PDE1A: variants seen among roughly 807,000 people sequenced by gnomAD.
The protein encoded by PDE1A is phosphodiesterase 1A.
Under a neutral mutation model 61.7 loss-of-function variants are expected in PDE1A, and 35 were observed. That is an observed-to-expected ratio of 0.57 (90% CI 0.43 to 0.75). PDE1A has a LOEUF of 0.75. Among genes scored for constraint, PDE1A ranks in the 30% least tolerant of loss-of-function variants. The pLI is 0.00. For missense variants in PDE1A, 597 were observed against 630.6 expected, an observed-to-expected ratio of 0.95 and a Z score of 0.57; for synonymous variants, 232 against 213.2, an observed-to-expected ratio of 1.09 and a Z score of -0.77.
chr2:182,446,706 AT>A (rs1685159825), intron 2 of PDE1A, among the ~76,000 whole-genome samples: 1 of 152,054 alleles, frequency 6.6e-6, no homozygotes, highest in African/African-American at 2.4e-5. Context: ...AGTTCAAATG[AT>A]TAAATATTAA....
intron 1 of PDE1A, among the ~76,000 whole-genome samples, chr2:182,384,964 T>C (rs938966469): frequency 6.6e-6 from 1 of 152,100 alleles, no homozygotes; most frequent in African/African-American, 2.4e-5. Context: ...CCAGTACAGC[T>C]AGGAGCAGAC....
At chr2:182,558,163 T>A in the PDE1A span, among the ~76,000 whole-genome samples, 1 of 152,176 alleles carries the variant, frequency 6.6e-6, no homozygotes, top group South Asian at 2.1e-4. Flanking sequence ...AAGTTTGGCA[T>A]CCTTCTGTTA....
intron 2 of PDE1A, among the ~76,000 whole-genome samples, chr2:182,443,038 G>T (rs1684893768): frequency 6.6e-6 from 1 of 151,924 alleles, no homozygotes; most frequent in Non-Finnish European, 1.5e-5. Flanking sequence ...CCTTCACCCT[G>T]AAGGGGGTTC....
intron 1 of PDE1A, among the ~76,000 whole-genome samples, chr2:182,274,461 T>G (rs1693259264): frequency 6.6e-6 from 1 of 152,092 alleles, no homozygotes; most frequent in African/African-American, 2.4e-5. Context: ...CAGATACTAT[T>G]GGAGAGCATA....
At chr2:182,264,275 TAAAAG>T in intron 2 of PDE1A, 21 bp downstream of exon 2, 1 of 1,457,756 alleles carries the variant, frequency 6.9e-7, no homozygotes, top group Non-Finnish European at 9.6e-7. Flanking sequence ...TCAAAGAAGA[TAAAAG>T]AGAAGAAGGT....
At chr2:182,651,617 T>C in the PDE1A span, among the ~76,000 whole-genome samples, 1 of 152,246 alleles carries the variant, frequency 6.6e-6, no homozygotes, top group East Asian at 1.9e-4. Flanking sequence ...ATCTTTTGTG[T>C]GCACTTTTTA....
chr2:182,448,761 A>G (rs547768972), intron 2 of PDE1A, among the ~76,000 whole-genome samples: 10 of 152,168 alleles, frequency 6.6e-5, no homozygotes, highest in African/African-American at 2.4e-4. Flanking sequence ...TTTTATTTAA[A>G]AACTAACACT....
chr2:182,627,788 C>T, the PDE1A span, among the ~76,000 whole-genome samples: 1 of 151,542 alleles, frequency 6.6e-6, no homozygotes, highest in Non-Finnish European at 1.5e-5. Context: ...ACTAAAAATA[C>T]AAAAATTTAG....
chr2:182,647,803 C>T, the PDE1A span, among the ~76,000 whole-genome samples: 1,177 of 152,042 alleles, frequency 7.7e-3, 24 homozygotes, highest in African/African-American at 0.027. Context: ...AATTGGCTTT[C>T]GAAACCCAAA....
intron 2 of PDE1A, among the ~76,000 whole-genome samples, chr2:182,485,941 C>A (rs1687994702): frequency 6.6e-6 from 1 of 151,876 alleles, no homozygotes; most frequent in Non-Finnish European, 1.5e-5. Flanking sequence ...TATTATCAAA[C>A]TGGAAGGTCT....
intron 6 of PDE1A, 129 bp downstream of exon 6, chr2:182,229,877 C>T (rs1333710952): frequency 3.6e-6 from 2 of 549,784 alleles, no homozygotes; most frequent in Non-Finnish European, 5.8e-6. Context: ...AAAATCCAAA[C>T]AATTATTCTT....
intron 1 of PDE1A, among the ~76,000 whole-genome samples, chr2:182,294,633 A>G (rs1253759672): frequency 6.6e-6 from 1 of 152,206 alleles, no homozygotes; most frequent in Non-Finnish European, 1.5e-5. Flanking sequence ...GTCTTTCAGC[A>G]TCAGCTAATC....
upstream of PDE1A, among the ~76,000 whole-genome samples, chr2:182,428,975 A>C (rs1404962344): frequency 1.3e-5 from 2 of 152,130 alleles, no homozygotes; most frequent in Non-Finnish European, 2.9e-5. Flanking sequence ...TATAGCTTGA[A>C]GTCCAAAGGC....
At chr2:182,534,160 T>C in the PDE1A span, among the ~76,000 whole-genome samples, 1 of 152,028 alleles carries the variant, frequency 6.6e-6, no homozygotes, top group Non-Finnish European at 1.5e-5. Flanking sequence ...AAAATTGTAT[T>C]ATGCACAGTT....
chr2:182,424,839 A>G (rs893122016), intron 1 of PDE1A, among the ~76,000 whole-genome samples: 10 of 152,206 alleles, frequency 6.6e-5, no homozygotes, highest in African/African-American at 2.4e-4. Flanking sequence ...TACAGCTTTA[A>G]TCTGTTATCA....
At chr2:182,536,647 T>C in the PDE1A span, among the ~76,000 whole-genome samples, 1 of 152,162 alleles carries the variant, frequency 6.6e-6, no homozygotes, top group Non-Finnish European at 1.5e-5. Flanking sequence ...ACATGGATAA[T>C]ATATTTATAT....
chr2:182,178,020 C>G (rs773871616), intron 13 of PDE1A, among the ~76,000 whole-genome samples: 6 of 152,062 alleles, frequency 3.9e-5, no homozygotes, highest in Non-Finnish European at 8.8e-5. Context: ...TCTTCTGAAA[C>G]AACTACAAAA....
rs374093059 is a variant in PDE1A, at chr2:182,439,500, T to C, written c.101+82776A>G. 1.6e-4 allele frequency among the ~76,000 whole-genome samples: 24 copies of C among 152,104 alleles called. 1 individual carries two copies. Among genetic ancestry groups the C allele is most frequent in the Admixed American group, 1.2e-3 (18 of 15,232 alleles). The stretch of plus-strand genomic sequence containing the variant: ...GGGAGTCAGGAGGAGAAGTTTGTCC[T>C]ACAACAGAAGTGGAGAGGGCGTCAA... On this transcript the variant is annotated intron_variant, in intron 2 of 14. Coordinates refer to the PDE1A transcript ENST00000410103.
chr2:182,330,845 C>T (rs1027554340), intron 1 of PDE1A, among the ~76,000 whole-genome samples: 10 of 152,190 alleles, frequency 6.6e-5, no homozygotes, highest in African/African-American at 2.4e-4. Flanking sequence ...CTCTCTCCCA[C>T]ACAGTCCTTT....
Sources: allele counts gnomAD v4.1 joint callset (sites outside exome capture counted in the v4.1 genomes callset), GRCh38; gene constraint gnomAD v4.1.1; transcripts MANE v1.5; gene names NCBI Gene and HGNC (gene_info 2026-07-23, HGNC 2026-07-21).